ADGRL3: variants seen among roughly 807,000 people sequenced by gnomAD.
The protein encoded by ADGRL3 is adhesion G protein-coupled receptor L3.
In ADGRL3, 62 loss-of-function variants were observed where a neutral mutation model predicts 153.5. The ratio of observed to expected loss-of-function variants is 0.40; its 90% CI spans 0.33 to 0.50. ADGRL3 has a LOEUF of 0.50. Among genes scored for constraint, ADGRL3 ranks in the 20% least tolerant of loss-of-function variants. ADGRL3 has a pLI of 0.47. For synonymous variants in ADGRL3, 710 were observed against 672.5 expected (o/e 1.06, Z -0.86); for missense variants, 1,641 against 1,859.4 (o/e 0.88, Z 2.16).
intron 1 of ADGRL3, among the ~76,000 whole-genome samples, chr4:61,278,399 C>T (rs987148309): frequency 2.6e-5 from 4 of 152,164 alleles, no homozygotes; most frequent in Admixed American, 6.5e-5. Context: ...ACGACTAAAA[C>T]GTTTTCTATG....
Position 61,733,152 on chromosome 4 carries a change from C to T in ADGRL3, c.997C>T (p.Leu333=). The change falls in exon 8 of 27, where the codon CTG becomes TTG. Residue 333 remains leucine, a synonymous_variant. Coordinates refer to ENST00000683033, the MANE Select transcript of ADGRL3 (RefSeq NM_001387552.1). ...YRWGGKSDID[L]AVDENGLWVI... ...ATGGGGAGGCAAATCTGACATAGACCTGGCAGTAGATGAGAATGGGCTATG... is the reference window on the plus strand; with the variant it reads ...ATGGGGAGGCAAATCTGACATAGACTTGGCAGTAGATGAGAATGGGCTATG... 6.2e-7 allele frequency: 1 copy of T among 1,613,204 alleles called. No individual in the cohort carries two copies. The highest frequency in any genetic ancestry group is 8.5e-7 in the Non-Finnish European group (1 of 1,179,604).
intron 5 of ADGRL3, among the ~76,000 whole-genome samples, chr4:61,600,701 A>G (rs1241489437): frequency 6.6e-6 from 1 of 152,212 alleles, no homozygotes; most frequent in Admixed American, 6.5e-5. Flanking sequence ...CTATTATTGA[A>G]TCAGAGGTGT....
chr4:61,497,155 G>T lies in ADGRL3; in HGVS notation c.-139G>T. ...TTGGGATATTGGTGTTTCTGTTTTGGAGAAATTATTCTTTTTCTTTTTAAT... is the reference window on the plus strand; with the variant it reads ...TTGGGATATTGGTGTTTCTGTTTTGTAGAAATTATTCTTTTTCTTTTTAAT... On this transcript the variant is annotated 5_prime_UTR_variant, in exon 3 of 27. Transcript: ENST00000683033. 1.7e-6 allele frequency: 1 copy of T among 601,322 alleles called. No individual in the cohort carries two copies. Among genetic ancestry groups the T allele is most frequent in the South Asian group, 2.0e-5 (1 of 48,814 alleles). The allele number at this position is 601,322 out of a possible 1,614,324, so 37.2% of individuals were successfully genotyped here.
At chr4:61,938,862 C>CAAAA (rs71213019) in intron 15 of ADGRL3, among the ~76,000 whole-genome samples, 37 of 71,460 alleles carry the variant, frequency 5.2e-4, no homozygotes, top group East Asian at 1.1e-3. Flanking sequence ...CCCTCCTCCT[C>CAAAA]AAAAAAAAAA....
intron 1 of ADGRL3, among the ~76,000 whole-genome samples, chr4:61,212,922 T>A (rs185013712): frequency 4.5e-4 from 69 of 152,288 alleles, no homozygotes; most frequent in Admixed American, 1.1e-3. Context: ...AAATGTGTGA[T>A]CTTATCTTGG....
At chr4:61,321,866 A>C (rs892496463) in intron 1 of ADGRL3, among the ~76,000 whole-genome samples, 1 of 152,160 alleles carries the variant, frequency 6.6e-6, no homozygotes, top group Non-Finnish European at 1.5e-5. Context: ...CAGAGAAATA[A>C]AAATAATATA....
intron 8 of ADGRL3, among the ~76,000 whole-genome samples, chr4:61,808,418 A>T (rs1474862019): frequency 6.6e-6 from 1 of 152,174 alleles, no homozygotes. Flanking sequence ...TATGTTTCGG[A>T]TAAGTCAAGC....
At position 62,071,624 on chromosome 4, in the gene ADGRL3, T is replaced by G; in HGVS notation, c.*716T>G. The G allele has an allele frequency of 2.8e-6, 1 of 359,268 alleles. No homozygotes were observed. Among genetic ancestry groups the G allele is most frequent in the South Asian group, 2.2e-5 (1 of 44,478 alleles). The allele number at this position is 359,268 out of a possible 1,614,324, so 22.3% of individuals were successfully genotyped here. A position where few individuals can be genotyped will look rare whatever the true frequency, so the allele number is the denominator to read the frequency against. On this transcript the variant is annotated 3_prime_UTR_variant, in exon 27 of 27. Transcript: ENST00000683033. ...TTCTGTTCCTCCAGAATTTGAGTCC[T>G]GTTAATGTAGTAGAAAAAAAAAAAA... is the stretch of plus-strand genomic sequence containing the variant.
At chr4:62,036,177 T>G (rs1341261504) in intron 23 of ADGRL3, among the ~76,000 whole-genome samples, 2 of 152,076 alleles carry the variant, frequency 1.3e-5, no homozygotes, top group Non-Finnish European at 2.9e-5. Context: ...AATAAGTAAT[T>G]TTGCCATACC....
intron 25 of ADGRL3, among the ~76,000 whole-genome samples, chr4:62,066,019 C>A (rs1024133388): frequency 4.0e-5 from 6 of 151,898 alleles, no homozygotes; most frequent in African/African-American, 7.2e-5. Flanking sequence ...TTTTAAAAAA[C>A]CAAAGTAAAT....
At chr4:62,033,870 C>T (rs1171017975) in intron 23 of ADGRL3, among the ~76,000 whole-genome samples, 1 of 151,606 alleles carries the variant, frequency 6.6e-6, no homozygotes, top group African/African-American at 2.4e-5. Context: ...TGGAAATTTT[C>T]TACAAAGCAG....
chr4:61,217,189 CATTA>C (rs1560362365), intron 1 of ADGRL3, among the ~76,000 whole-genome samples: 1 of 152,198 alleles, frequency 6.6e-6, no homozygotes, highest in Non-Finnish European at 1.5e-5. Context: ...ATGTATCCCT[CATTA>C]ATTAGTTATA....
intron 17 of ADGRL3, 148 bp from the exon 18 acceptor site, chr4:61,979,415 C>A (rs981936529): frequency 1.3e-5 from 9 of 696,104 alleles, no homozygotes; most frequent in African/African-American, 1.2e-4. Context: ...GAAGAGAAAA[C>A]CCAAATCATT....
chr4:61,375,980 G>T (rs1397398639), intron 1 of ADGRL3, among the ~76,000 whole-genome samples: 1 of 152,056 alleles, frequency 6.6e-6, no homozygotes, highest in African/African-American at 2.4e-5. Context: ...TATTAATAAA[G>T]TATACTGTAT....
At chr4:61,744,789 A>G (rs1381102992) in intron 8 of ADGRL3, among the ~76,000 whole-genome samples, 1 of 152,144 alleles carries the variant, frequency 6.6e-6, no homozygotes, top group Non-Finnish European at 1.5e-5. Flanking sequence ...AAAACTGGAA[A>G]CTCTAAAAAG....
intron 6 of ADGRL3, among the ~76,000 whole-genome samples, chr4:61,718,560 T>C (rs947796799): frequency 1.3e-5 from 2 of 152,206 alleles, no homozygotes; most frequent in African/African-American, 4.8e-5. Context: ...GAAGATGTAC[T>C]AAGATTTATA....
chr4:61,853,159 C>A (rs1233462273), intron 9 of ADGRL3, among the ~76,000 whole-genome samples: 1 of 152,010 alleles, frequency 6.6e-6, no homozygotes, highest in Non-Finnish European at 1.5e-5. Flanking sequence ...TAACTGAATT[C>A]TGTGTTTGGT....
chr4:61,373,956 T>G (rs1211314104), intron 1 of ADGRL3, among the ~76,000 whole-genome samples: 4 of 152,182 alleles, frequency 2.6e-5, no homozygotes. Context: ...TACTTAAAAG[T>G]AATGTCCTCA....
chr4:61,510,314 A>C (rs543414558), intron 3 of ADGRL3, among the ~76,000 whole-genome samples: 1 of 152,104 alleles, frequency 6.6e-6, no homozygotes, highest in African/African-American at 2.4e-5. Flanking sequence ...TTTTGAGGAC[A>C]GTCATAAATT....
Sources: allele counts gnomAD v4.1 joint callset (sites outside exome capture counted in the v4.1 genomes callset), GRCh38; gene constraint gnomAD v4.1.1; transcripts MANE v1.5; gene names NCBI Gene and HGNC (gene_info 2026-07-23, HGNC 2026-07-21).